The following ASS1 variants were observed in gnomAD, a reference collection of about 807,000 sequenced individuals.
The protein encoded by ASS1 is argininosuccinate synthase 1.
In ASS1, 58 loss-of-function variants were observed where a neutral mutation model predicts 60.5. The observed-to-expected ratio is 0.96, with a 90% CI of 0.78 to 1.19. The LOEUF (loss-of-function observed/expected upper bound fraction) is 1.19. Ranked by LOEUF, ASS1 falls within the 50% of genes most tolerant of loss-of-function variation. The pLI is 0.00. For missense variants in ASS1, 454 were observed against 547.3 expected (o/e 0.83, Z 1.70); for synonymous variants, 200 against 206.9 (o/e 0.97, Z 0.29).
chr9:130,461,982 G>T (rs1322173566), intron 4 of ASS1, among the ~76,000 whole-genome samples: 2 of 152,124 alleles, frequency 1.3e-5, no homozygotes, highest in Non-Finnish European at 1.5e-5. Context: ...CCTGAGCCCA[G>T]CCCTGAAGGC....
rs560575753 is a variant in ASS1 at position 130,478,972 on chromosome 9, G to A, written c.689-744G>A. 7.2e-5 allele frequency among the ~76,000 whole-genome samples: 11 copies of A among 152,266 alleles called. No individual in the cohort carries two copies. Among genetic ancestry groups the A allele is most frequent in the Non-Finnish European group, 1.2e-4 (8 of 68,002 alleles). On this transcript the variant is annotated intron_variant, in intron 9 of 14. Coordinates refer to ENST00000352480, the MANE Select transcript of ASS1 (RefSeq NM_054012.4). This position sits in a 1 kb window ranked among gnomAD's most constrained non-coding sequence, Gnocchi z 4.7. ...CGGGCAGATGGGTGGGGGATTAGCC[G>A]CCAACTTTGAACAGCTTTTCTTTGT... is the stretch of plus-strand genomic sequence containing the variant.
chr9:130,476,053 C>A lies in ASS1; in HGVS notation c.598-818C>A, dbSNP rs1846008356. Among the ~76,000 whole-genome samples, 2 of 152,292 alleles carry A rather than the reference C, an allele frequency of 1.3e-5. No homozygotes were observed. The highest frequency in any genetic ancestry group is 4.8e-5 in the African/African-American group (2 of 41,562). On this transcript the variant is annotated intron_variant, in intron 8 of 14. Transcript: ENST00000352480. This position sits in a 1 kb window ranked among gnomAD's most constrained non-coding sequence, Gnocchi z 4.9. ...GGATTACAGGTGTGAGCCACTGTGC[C>A]CAGCCGTCTGCAAGGTTTTTAAAGC...
At chr9:130,499,607 T>C (rs559407825) in intron 14 of ASS1, 37 bp downstream of exon 14, 6 of 1,592,666 alleles carry the variant, frequency 3.8e-6, no homozygotes, top group South Asian at 1.1e-5. Context: ...CTTCAGAGCC[T>C]CCAGGTGTAA....
intron 4 of ASS1, among the ~76,000 whole-genome samples, chr9:130,462,170 G>A (rs1191486973): frequency 2.0e-5 from 3 of 152,154 alleles, no homozygotes; most frequent in Admixed American, 2.0e-4. Flanking sequence ...TTTTGGAAGA[G>A]GGGCCTGGAA....
At chr9:130,492,149 C>T (rs748473893) in intron 12 of ASS1, among the ~76,000 whole-genome samples, 1 of 152,124 alleles carries the variant, frequency 6.6e-6, no homozygotes, top group Non-Finnish European at 1.5e-5. Flanking sequence ...TAACTGCGAG[C>T]GCCCGGCGTG....
intron 1 of ASS1, chr9:130,450,359 G>C (rs2131865486): frequency 5.1e-5 from 50 of 985,828 alleles, no homozygotes; most frequent in Non-Finnish European, 5.9e-5. Flanking sequence ...AGTCCTCCCT[G>C]CCTGCCTTCC....
chr9:130,452,401 GCCTCTGT>G, intron 2 of ASS1, 68 bp downstream of exon 2: 1 of 1,400,358 alleles, frequency 7.1e-7, no homozygotes, highest in Non-Finnish European at 1.0e-6. Context: ...CCCCCTGCCA[GCCTCTGT>G]CTGGGTTGTC....
rs926437998 is a variant in ASS1 at position 130,477,632 on chromosome 9, G to C, written c.688+671G>C. Among the ~76,000 whole-genome samples the C allele has an allele frequency of 6.6e-6, 1 of 152,264 alleles. No homozygotes were observed. The highest frequency in any genetic ancestry group is 2.4e-5 in the African/African-American group (1 of 41,474). On this transcript the variant is annotated intron_variant, in intron 9 of 14. Transcript: ENST00000352480. This position sits in a 1 kb window ranked among gnomAD's most constrained non-coding sequence, Gnocchi z 4.2. ...CTTGGGAGAGGGCATCTCTTGGCCTGGAGGAAGGATGGAGAAGCGAGGCAT... is the reference window on the plus strand; with the variant it reads ...CTTGGGAGAGGGCATCTCTTGGCCTCGAGGAAGGATGGAGAAGCGAGGCAT...
chr9:130,445,059 C>T, intron 1 of ASS1, 64 bp downstream of exon 1: 2 of 753,618 alleles, frequency 2.7e-6, no homozygotes, highest in Non-Finnish European at 3.2e-6. Context: ...TTCCCGGGCC[C>T]AGAGGAGGAG....
intron 13 of ASS1, 144 bp downstream of exon 13, chr9:130,495,167 A>G (rs1846552724): frequency 1.4e-5 from 17 of 1,181,480 alleles, no homozygotes; most frequent in Middle Eastern, 2.0e-4. Flanking sequence ...AGACACCACT[A>G]TGCTCCCGTG....
In ASS1 at chr9:130,470,688, A is replaced by G; in HGVS notation, c.496-146A>G. 1.2e-6 allele frequency: 1 copy of G among 818,008 alleles called. No homozygotes were observed. Among genetic ancestry groups the G allele is most frequent in the Non-Finnish European group, 2.1e-6 (1 of 467,916 alleles). The allele number at this position is 818,008 out of a possible 1,614,324, so 50.7% of individuals were successfully genotyped here. A position where few individuals can be genotyped will look rare whatever the true frequency, so the allele number is the denominator to read the frequency against. On this transcript the variant is annotated intron_variant, in intron 6 of 14. Transcript: ENST00000352480. The surrounding 1 kb of genome is among the most constrained non-coding windows in gnomAD (Gnocchi z 4.3). ...GCAATAGGGTCCCCCCAGGGAGGTG[A>G]CCGTGACCAACACTAGGAGGTAGCC...
intron 6 of ASS1, among the ~76,000 whole-genome samples, chr9:130,467,307 C>G (rs956513704): frequency 2.6e-5 from 4 of 152,172 alleles, no homozygotes; most frequent in Admixed American, 2.6e-4. Flanking sequence ...GGCACCAGCC[C>G]TTTTTGAAGT....
Position 130,464,161 on chromosome 9 carries a change from G to C in ASS1, c.414G>C (p.Gln138His), listed in dbSNP as rs2131879745. 1.2e-6 allele frequency: 2 copies of C among 1,614,196 alleles called. No homozygotes were observed. Among genetic ancestry groups the C allele is most frequent in the South Asian group, 2.2e-5 (2 of 91,082 alleles). ...TCAGCTGCTACTCACTGGCCCCCCA[G>C]ATAAAGGTAGGATGTGGCTCCTCCC... is the stretch of plus-strand genomic sequence containing the variant. ...FELSCYSLAP[Q>H]IKVIAPWRMP... The change falls in exon 5 of 15, where the codon CAG (glutamine) becomes CAC (histidine). Residue 138 changes from glutamine (Q) to histidine (H), a missense_variant. Gln to His is a conservative substitution (Grantham distance 24). Transcript: ENST00000352480.
chr9:130,498,577 G>A (rs1359716618), intron 13 of ASS1, among the ~76,000 whole-genome samples: 1 of 152,214 alleles, frequency 6.6e-6, no homozygotes, highest in Non-Finnish European at 1.5e-5. Flanking sequence ...AAATGAATGA[G>A]TGAATGAATA....
At chr9:130,495,444 C>CATATATATATATATATATATATATAT (rs142565065) in intron 13 of ASS1, among the ~76,000 whole-genome samples, 1 of 139,752 alleles carries the variant, frequency 7.2e-6, no homozygotes, top group African/African-American at 2.6e-5. Context: ...CACACACATA[C>CATATATATATATATATATATATATAT]ATATATATAT....
intron 4 of ASS1, among the ~76,000 whole-genome samples, chr9:130,460,162 G>A (rs532545893): frequency 2.1e-4 from 32 of 152,174 alleles, no homozygotes; most frequent in Non-Finnish European, 4.7e-4. Flanking sequence ...GGAAGTCCTG[G>A]CTCACTGTGG....
In ASS1 at chr9:130,471,203, G is replaced by C. The variant is rs1342915694; in HGVS notation, c.567-282G>C. Among the ~76,000 whole-genome samples the C allele has an allele frequency of 2.6e-5, 4 of 152,186 alleles. No individual in the cohort carries two copies. The East Asian group carries it at 7.7e-4, about 29-fold the overall frequency. Reference sequence around the variant, plus strand: ...GAGAAGAGGCCCAGATGTGGCACAGGGGAAGAGTGTTTAAGGCAGAGGCAG... The same window carrying C: ...GAGAAGAGGCCCAGATGTGGCACAGCGGAAGAGTGTTTAAGGCAGAGGCAG... On this transcript the variant is annotated intron_variant, in intron 7 of 14. Coordinates refer to ENST00000352480, the MANE Select transcript of ASS1 (RefSeq NM_054012.4).
chr9:130,486,414 G>A lies in ASS1; in HGVS notation c.839-2919G>A, dbSNP rs369066628. Among the ~76,000 whole-genome samples, 147 of 152,240 alleles carry A rather than the reference G, an allele frequency of 9.7e-4. 1 individual carries two copies. The highest frequency in any genetic ancestry group is 3.2e-3 in the African/African-American group (132 of 41,530). On this transcript the variant is annotated intron_variant, in intron 11 of 14. Coordinates refer to ENST00000352480, the MANE Select transcript of ASS1 (RefSeq NM_054012.4). ...GGCCTGTGCTAAGTTCTATGTCCCTGTTCTCCAGGCTGTCTATAATGACTT... is the reference window on the plus strand; with the variant it reads ...GGCCTGTGCTAAGTTCTATGTCCCTATTCTCCAGGCTGTCTATAATGACTT...
At chr9:130,464,622 C>T (rs1446362930) in intron 5 of ASS1, among the ~76,000 whole-genome samples, 1 of 152,178 alleles carries the variant, frequency 6.6e-6, no homozygotes, top group Non-Finnish European at 1.5e-5. Context: ...CCCCAGGCCA[C>T]CTGTGCCTGG....
Sources: gnomAD v4.1 joint callset for allele counts (sites outside exome capture counted in the v4.1 genomes callset) on GRCh38, gnomAD v4.1.1 for gene constraint, Gnocchi (gnomAD v3.1) non-coding constraint, MANE v1.5 for transcripts, NCBI Gene and HGNC (gene_info 2026-07-23, HGNC 2026-07-21) for gene names.